The following USP53 variants were observed in gnomAD, a reference collection of about 807,000 sequenced individuals.
USP53 encodes ubiquitin specific peptidase 53.
In USP53, 71 loss-of-function variants were observed where a neutral mutation model predicts 94.9. The ratio of observed to expected loss-of-function variants is 0.75; its 90% confidence interval spans 0.62 to 0.91. USP53 has a LOEUF of 0.91. Among genes scored for constraint, USP53 ranks in the 40% least tolerant of loss-of-function variants. The pLI, the probability that USP53 is intolerant of heterozygous loss-of-function variation, is 0.00. For synonymous variants in USP53, 375 were observed against 422.7 expected, an observed-to-expected ratio of 0.89 and a Z score of 1.39; for missense variants, 1,173 against 1,281.0, an observed-to-expected ratio of 0.92 and a Z score of 1.29.
intron 11 of USP53, among the ~76,000 whole-genome samples, chr4:119,261,185 C>T (rs1374376007): frequency 6.6e-6 from 1 of 152,096 alleles, no homozygotes; most frequent in Non-Finnish European, 1.5e-5. Flanking sequence ...CTCTCGAACT[C>T]CTGGCCTCAA....
chr4:119,279,322 C>G (rs1452087785), intron 17 of USP53, among the ~76,000 whole-genome samples: 2 of 146,732 alleles, frequency 1.4e-5, no homozygotes, highest in Non-Finnish European at 3.0e-5. Flanking sequence ...TTCTAACAGA[C>G]AGGACCCTCA....
At chr4:119,257,259 TG>T (rs1749895013) in intron 9 of USP53, among the ~76,000 whole-genome samples, 1 of 152,156 alleles carries the variant, frequency 6.6e-6, no homozygotes, top group Admixed American at 6.5e-5. Context: ...CTGGCCAAGA[TG>T]GTGTAACCCC....
intron 17 of USP53, among the ~76,000 whole-genome samples, chr4:119,274,344 C>A (rs972986796): frequency 6.7e-6 from 1 of 149,462 alleles, no homozygotes; most frequent in Middle Eastern, 3.2e-3. Context: ...GAGAATATGC[C>A]GTGTTTGGTT....
chr4:119,236,421 A>G (rs1746760955), intron 4 of USP53, among the ~76,000 whole-genome samples: 1 of 152,226 alleles, frequency 6.6e-6, no homozygotes, highest in African/African-American at 2.4e-5. Flanking sequence ...CTATTAAAAT[A>G]AGGCAACAAT....
intron 3 of USP53, among the ~76,000 whole-genome samples, chr4:119,232,415 T>C (rs974628443): frequency 2.6e-5 from 4 of 152,214 alleles, no homozygotes; most frequent in Non-Finnish European, 4.4e-5. Context: ...ACTGACTTCT[T>C]ACACTTTGCT....
chr4:119,286,503 G>T (rs956880112), intron 17 of USP53, among the ~76,000 whole-genome samples: 2 of 151,862 alleles, frequency 1.3e-5, no homozygotes, highest in African/African-American at 4.8e-5. Context: ...AAGTTAGTTG[G>T]AATTCTGAAG....
At chr4:119,227,914 T>C (rs544863713) in intron 3 of USP53, among the ~76,000 whole-genome samples, 1 of 152,234 alleles carries the variant, frequency 6.6e-6, no homozygotes, top group African/African-American at 2.4e-5. Flanking sequence ...AACTTCTGAT[T>C]TGTGCAGCAA....
chr4:119,249,733 C>T (rs1360947492), intron 7 of USP53, among the ~76,000 whole-genome samples: 5 of 143,878 alleles, frequency 3.5e-5, no homozygotes, highest in Non-Finnish European at 7.5e-5. Flanking sequence ...GGTGTGATCT[C>T]GGCTCACTGC....
At chr4:119,249,202 C>A (rs1437210484) in intron 7 of USP53, among the ~76,000 whole-genome samples, 1 of 152,046 alleles carries the variant, frequency 6.6e-6, no homozygotes, top group Non-Finnish European at 1.5e-5. Context: ...CTATAGGGAC[C>A]ACATATGCAG....
rs1477687088 is a variant in USP53 at position 119,292,833 on chromosome 4, T to A, written c.2844T>A (p.Leu948=). The A allele has an allele frequency of 6.2e-7, 1 of 1,613,976 alleles. No homozygotes were observed. The highest frequency in any genetic ancestry group is 8.5e-7 in the Non-Finnish European group (1 of 1,179,984). Residue 948 remains leucine, a synonymous_variant, in exon 19 of 19, where the codon CTT becomes CTA. Coordinates refer to ENST00000692078, the MANE Select transcript of USP53 (RefSeq NM_001371395.1). The part of the protein sequence containing the change: ...EKSESTPDVK[L]TEVFKATSHL... Reference sequence around the variant, plus strand: ...GCGAATCTACACCTGATGTCAAACTTACAGAGGTGTTTAAAGCTACCTCTC... The same window carrying A: ...GCGAATCTACACCTGATGTCAAACTAACAGAGGTGTTTAAAGCTACCTCTC...
intron 7 of USP53, among the ~76,000 whole-genome samples, chr4:119,255,178 G>T (rs937083397): frequency 6.6e-6 from 1 of 152,216 alleles, no homozygotes; most frequent in Non-Finnish European, 1.5e-5. Flanking sequence ...GGCTACACAG[G>T]GGTCAGGAAT....
At chr4:119,255,911 C>A (rs1366568740) in intron 7 of USP53, among the ~76,000 whole-genome samples, 1 of 152,092 alleles carries the variant, frequency 6.6e-6, no homozygotes, top group Non-Finnish European at 1.5e-5. Context: ...GTTTTTTCTT[C>A]ATTTGAGAAT....
In USP53 at chr4:119,274,075, T is replaced by A. The variant is rs1002500225; in HGVS notation, c.2251+367T>A. Among the ~76,000 whole-genome samples the A allele has an allele frequency of 1.4e-4, 21 of 149,894 alleles. No homozygotes were observed. In the South Asian group the frequency reaches 1.5e-3, roughly 10 times the overall value. ...TTTCTTGGTCCTCTTGTTTTATTTTTTTATTATTATTTTTTATTTATTTAT... is the reference window on the plus strand; with the variant it reads ...TTTCTTGGTCCTCTTGTTTTATTTTATTATTATTATTTTTTATTTATTTAT... On this transcript the variant is annotated intron_variant, in intron 17 of 18. Coordinates refer to ENST00000692078, the MANE Select transcript of USP53 (RefSeq NM_001371395.1).
At chr4:119,221,945 G>T (rs1340121032) in intron 3 of USP53, among the ~76,000 whole-genome samples, 1 of 152,150 alleles carries the variant, frequency 6.6e-6, no homozygotes, top group African/African-American at 2.4e-5. Context: ...ATAGCACCTT[G>T]TGCTTCTCTT....
At chr4:119,279,578 G>T (rs369970794) in intron 17 of USP53, among the ~76,000 whole-genome samples, 6,935 of 151,186 alleles carry the variant, frequency 0.046, 213 homozygotes, top group Middle Eastern at 0.086. Context: ...TGCCCCCAGA[G>T]GTGGAGCCTA....
intron 17 of USP53, among the ~76,000 whole-genome samples, chr4:119,287,247 C>T (rs1390681221): frequency 6.6e-6 from 1 of 151,870 alleles, no homozygotes; most frequent in Non-Finnish European, 1.5e-5. Context: ...GCGCTTACAG[C>T]AATTTAGTGG....
rs201565061 is a variant in USP53, at chr4:119,260,621, C to T, written c.790C>T (p.Arg264Trp). 52 of 1,613,406 alleles carry T rather than the reference C, an allele frequency of 3.2e-5. No individual in the cohort carries two copies. Among genetic ancestry groups the T allele is most frequent in the South Asian group, 9.9e-5 (9 of 90,980 alleles). ...TTCTGACTTGACCGAAGCTGTTGTT[C>T]GGAATCTAGCAACACATCTTTATCT... is the stretch of plus-strand genomic sequence containing the variant. Reference protein sequence around the residue: ...EHSDLTEAVVRNLATHLYLPG... With the variant: ...EHSDLTEAVVWNLATHLYLPG... Residue 264 changes from arginine (R) to tryptophan (W), a missense_variant, in exon 11 of 19, where the codon CGG becomes TGG. Physicochemically the swap from Arg to Trp is moderately radical, Grantham distance 101. Coordinates refer to ENST00000692078, the MANE Select transcript of USP53 (RefSeq NM_001371395.1).
chr4:119,242,434 T>C (rs77484767), intron 5 of USP53, among the ~76,000 whole-genome samples: 2,255 of 152,300 alleles, frequency 0.015, 45 homozygotes, highest in African/African-American at 0.051. Flanking sequence ...CTGTGAATTA[T>C]GAAGTTTTCT....
chr4:119,274,129 G>C (rs1228149619), intron 17 of USP53, among the ~76,000 whole-genome samples: 3 of 145,810 alleles, frequency 2.1e-5, no homozygotes, highest in Non-Finnish European at 4.5e-5. Context: ...TTAAGTTTTA[G>C]GGTACATGTG....
Sources: gnomAD v4.1 joint callset for allele counts (sites outside exome capture counted in the v4.1 genomes callset) on GRCh38, gnomAD v4.1.1 for gene constraint, MANE v1.5 for transcripts, NCBI Gene and HGNC (gene_info 2026-07-23, HGNC 2026-07-21) for gene names.